Variants in PLSCR2 observed in about 807,000 individuals in gnomAD.
The protein encoded by PLSCR2 is phospholipid scramblase 2, also known as PL scramblase 2.
Under a neutral mutation model 25.3 loss-of-function variants are expected in PLSCR2, and 18 were observed. The observed-to-expected ratio is 0.71, with a 90% CI of 0.49 to 1.06. The LOEUF (loss-of-function observed/expected upper bound fraction) is 1.06, where lower values mean the gene tolerates loss of function less well. PLSCR2 is among the 50% of genes least tolerant of loss of function. PLSCR2 has a pLI of 0.00. For missense variants in PLSCR2, 243 were observed against 269.5 expected (o/e 0.90, Z 0.69); for synonymous variants, 88 against 87.3 (o/e 1.01, Z -0.04).
intron 1 of PLSCR2, among the ~76,000 whole-genome samples, chr3:146,484,594 A>G (rs565483860): frequency 6.6e-6 from 1 of 152,210 alleles, no homozygotes; most frequent in Non-Finnish European, 1.5e-5. Context: ...CAGACCTCTC[A>G]AGAGAAACCC....
intron 6 of PLSCR2, among the ~76,000 whole-genome samples, chr3:146,448,453 A>G (rs556081475): frequency 6.6e-6 from 1 of 152,236 alleles, no homozygotes; most frequent in Non-Finnish European, 1.5e-5. Context: ...AGCTTTAAAC[A>G]GCTTGAAGTC....
chr3:146,417,708 A>G (rs2039037126), intron 2 of PLSCR2, among the ~76,000 whole-genome samples: 1 of 152,226 alleles, frequency 6.6e-6, no homozygotes, highest in Non-Finnish European at 1.5e-5. Flanking sequence ...CATGTATTGT[A>G]TATTTCAAAG....
chr3:146,461,953 T>C, upstream of PLSCR2: 6 of 1,429,968 alleles, frequency 4.2e-6, no homozygotes, highest in East Asian at 2.6e-5. Context: ...TATCCTTTCA[T>C]AAGCTAAAAA....
intron 2 of PLSCR2, among the ~76,000 whole-genome samples, chr3:146,399,005 G>T (rs2038372059): frequency 6.6e-6 from 1 of 151,860 alleles, no homozygotes; most frequent in Non-Finnish European, 1.5e-5. Context: ...GGATTTAGAT[G>T]TTAGAGCCCC....
intron 2 of PLSCR2, among the ~76,000 whole-genome samples, chr3:146,408,945 G>C (rs1357119356): frequency 6.6e-6 from 1 of 151,906 alleles, no homozygotes; most frequent in Non-Finnish European, 1.5e-5. Flanking sequence ...CAGTCTATTG[G>C]CTGATGTGAG....
chr3:146,455,416 G>T (rs774695174), exon 4 of PLSCR2: 2 of 1,613,096 alleles, frequency 1.2e-6, no homozygotes, highest in African/African-American at 2.7e-5. Flanking sequence ...GCCCAAAGCT[G>T]TTCTTGATTT....
upstream of PLSCR2, among the ~76,000 whole-genome samples, chr3:146,463,307 G>T (rs953883655): frequency 2.0e-5 from 3 of 152,068 alleles, no homozygotes; most frequent in African/African-American, 7.2e-5. Flanking sequence ...CTCCGGAGTA[G>T]CTGGGACTAC....
chr3:146,464,346 T>C (rs1576692753), upstream of PLSCR2, among the ~76,000 whole-genome samples: 1 of 152,164 alleles, frequency 6.6e-6, no homozygotes, highest in Non-Finnish European at 1.5e-5. Context: ...TATATATATG[T>C]CTACATCCTA....
chr3:146,480,648 CGAGGTACAAA>C (rs1174441338), intron 1 of PLSCR2, among the ~76,000 whole-genome samples: 1 of 151,848 alleles, frequency 6.6e-6, no homozygotes, highest in Non-Finnish European at 1.5e-5. Flanking sequence ...TGAATTCTAC[CGAGGTACAAA>C]GAGGAGATGG....
exon 6 of PLSCR2, chr3:146,449,226 T>C: frequency 1.2e-6 from 2 of 1,612,792 alleles, no homozygotes; most frequent in Non-Finnish European, 1.7e-6. Context: ...CAGGCACCAA[T>C]CATCACGGCT....
At chr3:146,461,501 T>C (rs1038447053), upstream of PLSCR2, among the ~76,000 whole-genome samples, 2 of 152,162 alleles carry the variant, frequency 1.3e-5, no homozygotes, top group Non-Finnish European at 2.9e-5. Context: ...AAATAATTTT[T>C]TATAAAAGAC....
downstream of PLSCR2, among the ~76,000 whole-genome samples, chr3:146,438,851 T>G (rs1315231482): frequency 1.3e-5 from 2 of 152,230 alleles, no homozygotes; most frequent in African/African-American, 4.8e-5. Flanking sequence ...CATTAGTTGA[T>G]GCAGTTTCTT....
chr3:146,425,504 C>T (rs1260416257), intron 2 of PLSCR2, among the ~76,000 whole-genome samples: 1 of 152,084 alleles, frequency 6.6e-6, no homozygotes, highest in Non-Finnish European at 1.5e-5. Context: ...TTCCTGCAGA[C>T]AAGAGGGTGG....
At chr3:146,455,273 C>T in exon 4 of PLSCR2, 1 of 1,613,976 alleles carries the variant, frequency 6.2e-7, no homozygotes, top group Non-Finnish European at 8.5e-7. Context: ...ACAACAGTTA[C>T]ATCTTAGTGG....
chr3:146,442,237 AT>A (rs1209990438), intron 6 of PLSCR2, among the ~76,000 whole-genome samples: 1 of 152,074 alleles, frequency 6.6e-6, no homozygotes, highest in Admixed American at 6.6e-5. Context: ...ATCGAAAAAT[AT>A]TAAATACTAA....
chr3:146,398,632 T>C (rs1313360597), intron 2 of PLSCR2: 1 of 151,872 alleles, frequency 6.6e-6, no homozygotes, highest in African/African-American at 2.4e-5. Flanking sequence ...AATTTTAATA[T>C]GATATTACAA....
chr3:146,401,453 A>G (rs796082922), intron 2 of PLSCR2: 9 of 152,648 alleles, frequency 5.9e-5, no homozygotes, highest in African/African-American at 2.2e-4. Context: ...TTGAAAATCC[A>G]CAAAGGTGTC....
At chr3:146,461,994 A>T, upstream of PLSCR2, 2 of 958,480 alleles carry the variant, frequency 2.1e-6, no homozygotes, top group Non-Finnish European at 3.0e-6. Flanking sequence ...TCAACAACAC[A>T]TTTAGTATTA....
chr3:146,475,053 G>C (rs373741665), intron 1 of PLSCR2, among the ~76,000 whole-genome samples: 390 of 151,914 alleles, frequency 2.6e-3, no homozygotes, highest in African/African-American at 8.1e-3. Context: ...CTTTTATCAA[G>C]GTTCTTAGCT....
Sources: allele counts gnomAD v4.1 joint callset (sites outside exome capture counted in the v4.1 genomes callset), GRCh38; gene constraint gnomAD v4.1.1; transcripts MANE v1.5; gene names NCBI Gene and HGNC (gene_info 2026-07-23, HGNC 2026-07-21).